The following ARHGAP20 variants were observed in gnomAD, a reference collection of about 807,000 sequenced individuals.
ARHGAP20 encodes the protein rho GTPase-activating protein 20.
Under a neutral mutation model 73.7 loss-of-function variants are expected in ARHGAP20, and 34 were observed. That is an observed-to-expected ratio of 0.46 (90% CI 0.35 to 0.61). ARHGAP20 has a LOEUF of 0.61. Ranked by LOEUF, ARHGAP20 falls within the 20% of genes least tolerant of loss-of-function variation. ARHGAP20 has a pLI of 0.00. For synonymous variants in ARHGAP20, 523 were observed against 518.2 expected (o/e 1.01, Z -0.13); for missense variants, 1,314 against 1,420.9 (o/e 0.92, Z 1.21).
intron 2 of ARHGAP20, among the ~76,000 whole-genome samples, chr11:110,660,034 C>T (rs1354501037): frequency 1.4e-5 from 2 of 141,002 alleles, no homozygotes; most frequent in Non-Finnish European, 3.0e-5. Context: ...TGCACATGTA[C>T]CCTAAAACTT....
chr11:110,588,336 C>T (rs10488768), intron 11 of ARHGAP20, among the ~76,000 whole-genome samples: 71,238 of 152,006 alleles, frequency 0.47, 18,463 homozygotes, highest in Middle Eastern at 0.62. Flanking sequence ...TTTTCCTCAA[C>T]GGTTTGATGG....
chr11:110,596,152 A>G (rs1947953638), intron 9 of ARHGAP20, among the ~76,000 whole-genome samples: 1 of 152,280 alleles, frequency 6.6e-6, no homozygotes, highest in East Asian at 1.9e-4. Context: ...TTCAAGATGG[A>G]TTAAAGACTT....
chr11:110,680,034 T>C (rs919857308), intron 2 of ARHGAP20, among the ~76,000 whole-genome samples: 4 of 152,190 alleles, frequency 2.6e-5, no homozygotes, highest in Non-Finnish European at 5.9e-5. Context: ...GACCTAAACC[T>C]GGAACACTCG....
Position 110,666,935 on chromosome 11 carries a change from G to C in ARHGAP20, c.188+23612C>G, listed in dbSNP as rs567273619. Among the ~76,000 whole-genome samples the C allele has an allele frequency of 8.5e-5, 13 of 152,284 alleles. No individual in the cohort carries two copies. In the South Asian group the frequency reaches 2.5e-3, roughly 29 times the overall value. On this transcript the variant is annotated intron_variant, in intron 2 of 14. Coordinates refer to ENST00000683387, the MANE Select transcript of ARHGAP20 (RefSeq NM_001384657.1). ...AAGCCAAAGCCTAATCCAGAGCAAG[G>C]CTCTAAATCTCTTCAATTCTATGAA... is the stretch of plus-strand genomic sequence containing the variant.
At chr11:110,710,351 C>G (rs1950623489) in intron 1 of ARHGAP20, among the ~76,000 whole-genome samples, 1 of 151,800 alleles carries the variant, frequency 6.6e-6, no homozygotes, top group Non-Finnish European at 1.5e-5. Flanking sequence ...AGCAACCCTT[C>G]ATTTATTGGA....
In ARHGAP20 at chr11:110,577,773, G is replaced by A; in HGVS notation, c.*1597C>T. 1.0e-6 allele frequency: 1 copy of A among 985,858 alleles called. No individual in the cohort carries two copies. The highest frequency in any genetic ancestry group is 1.2e-6 in the Non-Finnish European group (1 of 829,924). 61.1% of individuals were successfully genotyped at this position (985,858 alleles called of 1,614,324 possible). ...TAATGGTTAGCGCAAACAGGGCCAT[G>A]TCCCCAAGAGGTAGGTAGCACCTAT... On this transcript the variant is annotated 3_prime_UTR_variant, in exon 15 of 15. Transcript: ENST00000683387.
At chr11:110,629,528 A>T (rs1509321) in intron 3 of ARHGAP20, among the ~76,000 whole-genome samples, 50,690 of 152,014 alleles carry the variant, frequency 0.33, 9,095 homozygotes, top group African/African-American at 0.46. Flanking sequence ...GGAGAAACTT[A>T]TTCGTTCTCT....
chr11:110,642,891 G>C (rs897828791), intron 2 of ARHGAP20, among the ~76,000 whole-genome samples: 1 of 151,978 alleles, frequency 6.6e-6, no homozygotes, highest in African/African-American at 2.4e-5. Context: ...GGTAGAATTC[G>C]GCTGTGAATC....
chr11:110,652,174 A>C (rs1251087895), intron 2 of ARHGAP20, among the ~76,000 whole-genome samples: 2 of 151,690 alleles, frequency 1.3e-5, no homozygotes, highest in Non-Finnish European at 3.0e-5. Flanking sequence ...AAAGGGCCTC[A>C]CTAAAAATAC....
chr11:110,606,631 C>G lies in ARHGAP20; in HGVS notation c.894G>C (p.Gln298His). The change falls in exon 9 of 15, where the codon CAG becomes CAC. Residue 298 changes from glutamine to histidine, a missense_variant. Around this residue, in one of 3 missense-constraint regions of ARHGAP20, gnomAD observed 443 missense variants for 466.4 expected, o/e 0.95. Transcript: ENST00000683387. ...FNLQEPFLMEQLPREMQCQFI... is the reference protein window; with the variant it reads ...FNLQEPFLMEHLPREMQCQFI... The stretch of plus-strand genomic sequence containing the variant: ...ACTGGCACTGCATCTCTCGGGGGAG[C>G]TGTTCCATAAGGAAGGGCTCCTGGA... 6.2e-7 allele frequency: 1 copy of G among 1,612,054 alleles called. No individual in the cohort carries two copies. The highest frequency in any genetic ancestry group is 8.5e-7 in the Non-Finnish European group (1 of 1,179,370).
At chr11:110,605,994 C>T (rs1402382139) in intron 9 of ARHGAP20, among the ~76,000 whole-genome samples, 1 of 152,232 alleles carries the variant, frequency 6.6e-6, no homozygotes, top group Non-Finnish European at 1.5e-5. Context: ...GGGCAAATTA[C>T]AGTTCTCTTA....
intron 12 of ARHGAP20, among the ~76,000 whole-genome samples, chr11:110,585,396 T>G: frequency 6.6e-6 from 1 of 151,530 alleles, no homozygotes; most frequent in East Asian, 1.9e-4. Context: ...GAGGTGGTAT[T>G]TTGTTAAACG....
At chr11:110,641,121 A>G (rs1039878176) in intron 2 of ARHGAP20, among the ~76,000 whole-genome samples, 3 of 152,020 alleles carry the variant, frequency 2.0e-5, no homozygotes, top group African/African-American at 7.2e-5. Context: ...CAAGATGCTG[A>G]TGGGAGCATA....
intron 2 of ARHGAP20, among the ~76,000 whole-genome samples, chr11:110,661,737 A>G (rs1321233849): frequency 1.3e-5 from 2 of 152,244 alleles, no homozygotes; most frequent in Middle Eastern, 3.4e-3. Flanking sequence ...CTGATATAAC[A>G]TATTAAGACA....
chr11:110,612,000 C>G (rs566498445), intron 6 of ARHGAP20, among the ~76,000 whole-genome samples: 80 of 152,122 alleles, frequency 5.3e-4, no homozygotes, highest in African/African-American at 1.9e-3. Context: ...ACCAATGAGT[C>G]TAGAAAAAAG....
At position 110,648,813 on chromosome 11, in the gene ARHGAP20, T is replaced by TA. The variant is rs563567237; in HGVS notation, c.189-18022dup. Among the ~76,000 whole-genome samples, 333 of 152,226 alleles carry TA rather than the reference T, an allele frequency of 2.2e-3. 1 individual carries two copies. Among genetic ancestry groups the TA allele is most frequent in the Admixed American group, 5.2e-3 (79 of 15,278 alleles). ...AATGTTTTTAAGTCAGTAAGTCCCTTATGTTAGCCTGAAATAAAATATTCT... is the reference window on the plus strand; with the variant it reads ...AATGTTTTTAAGTCAGTAAGTCCCTTAATGTTAGCCTGAAATAAAATATTCT... On this transcript the variant is annotated intron_variant, in intron 2 of 14. Transcript: ENST00000683387.
intron 9 of ARHGAP20, among the ~76,000 whole-genome samples, chr11:110,600,812 G>C (rs772345842): frequency 6.6e-6 from 1 of 152,184 alleles, no homozygotes; most frequent in Non-Finnish European, 1.5e-5. Context: ...TCCCACTGGG[G>C]ATCAACCATT....
rs771151858 is a variant in ARHGAP20 at position 110,630,717 on chromosome 11, A to C, written c.264T>G (p.Ile88Met). 6 of 1,614,154 alleles carry C rather than the reference A, an allele frequency of 3.7e-6. No individual in the cohort carries two copies. Among genetic ancestry groups the C allele is most frequent in the Non-Finnish European group, 3.4e-6 (4 of 1,179,996 alleles). ...CTCTTTTGAGTTCTGCCCGGCCATC[A>C]ATCAGCAGAGTCCTATTGGAGCACA... ...SLVCSNRTLL[I>M]DGRAELKRGL... The change falls in exon 3 of 15, where the codon ATT becomes ATG. Residue 88 changes from isoleucine (I) to methionine (M), a missense_variant. Ile to Met is a conservative substitution (Grantham distance 10). This residue lies in a region of ARHGAP20 where 443 missense variants were observed against 466.4 expected (regional missense o/e 0.95). Transcript: ENST00000683387.
At chr11:110,676,072 C>T (rs1298225056) in intron 2 of ARHGAP20, among the ~76,000 whole-genome samples, 1 of 152,218 alleles carries the variant, frequency 6.6e-6, no homozygotes, top group Non-Finnish European at 1.5e-5. Flanking sequence ...TTACAACTCC[C>T]GCACATTTAT....
Sources: gnomAD v4.1 joint callset for allele counts (sites outside exome capture counted in the v4.1 genomes callset) on GRCh38, gnomAD v4.1.1 for gene constraint, gnomAD v4.1.1 regional missense constraint, MANE v1.5 for transcripts, NCBI Gene and HGNC (gene_info 2026-07-23, HGNC 2026-07-21) for gene names.